The following NEDD9 variants were observed in gnomAD, a reference collection of about 807,000 sequenced individuals.
NEDD9 encodes the protein enhancer of filamentation 1.
In NEDD9, 26 loss-of-function variants were observed where a neutral mutation model predicts 76.6. That is an observed-to-expected ratio of 0.34 (90% CI 0.25 to 0.47). The LOEUF (loss-of-function observed/expected upper bound fraction) is 0.47. Ranked by LOEUF, NEDD9 falls within the 20% of genes least tolerant of loss-of-function variation. The pLI, the probability that NEDD9 is intolerant of heterozygous loss-of-function variation, is 1.00. For missense variants in NEDD9, 937 were observed against 1,058.5 expected, an observed-to-expected ratio of 0.89 and a Z score of 1.59; for synonymous variants, 392 against 414.2, an observed-to-expected ratio of 0.95 and a Z score of 0.65.
At chr6:11,265,538 C>T (rs1223517863) in intron 3 of NEDD9, among the ~76,000 whole-genome samples, 1 of 152,172 alleles carries the variant, frequency 6.6e-6, no homozygotes, top group East Asian at 1.9e-4. Flanking sequence ...AATGTATTGT[C>T]CTTATGACTA....
chr6:11,188,447 AC>A lies in NEDD9; in HGVS notation c.1906-141del, dbSNP rs1758031454. On this transcript the variant is annotated intron_variant, in intron 5 of 6. Coordinates refer to ENST00000379446, the MANE Select transcript of NEDD9 (RefSeq NM_006403.4). Reference sequence around the variant, plus strand: ...TCAAATGCCCAGTGAGGCACTGTGAACCCTAGACGACAGGGGTGGCAGAAAA... The same window carrying A: ...TCAAATGCCCAGTGAGGCACTGTGAACCTAGACGACAGGGGTGGCAGAAAA... 4 of 735,324 alleles carry A rather than the reference AC, an allele frequency of 5.4e-6. No individual in the cohort carries two copies. In the East Asian group the frequency reaches 1.1e-4, roughly 20 times the overall value. 45.5% of individuals were successfully genotyped at this position (735,324 alleles called of 1,614,324 possible). A position where few individuals can be genotyped will look rare whatever the true frequency, so the allele number is the denominator to read the frequency against.
At chr6:11,356,881 G>C (rs947203013) in intron 1 of NEDD9, among the ~76,000 whole-genome samples, 6 of 152,160 alleles carry the variant, frequency 3.9e-5, no homozygotes, top group Non-Finnish European at 8.8e-5. Context: ...TGTAAGAAAA[G>C]TTTCTGCTGG....
At chr6:11,308,359 A>ATTTTTT (rs1761253123) in intron 2 of NEDD9, among the ~76,000 whole-genome samples, 1 of 131,120 alleles carries the variant, frequency 7.6e-6, no homozygotes, top group Non-Finnish European at 1.6e-5. Flanking sequence ...AGGATGGGAC[A>ATTTTTT]TCTTTTTTTT....
At chr6:11,372,075 T>A (rs976849647) in intron 1 of NEDD9, among the ~76,000 whole-genome samples, 2 of 152,198 alleles carry the variant, frequency 1.3e-5, no homozygotes, top group Non-Finnish European at 2.9e-5. Flanking sequence ...TACTAGGTCT[T>A]ACTCATTCTT....
intron 2 of NEDD9, among the ~76,000 whole-genome samples, chr6:11,332,637 C>A (rs948046571): frequency 6.6e-6 from 1 of 152,202 alleles, no homozygotes; most frequent in East Asian, 1.9e-4. Context: ...TTACAGCACA[C>A]GTCGTGTTCT....
chr6:11,190,520 G>A lies in NEDD9; in HGVS notation c.1349C>T (p.Thr450Ile). The A allele has an allele frequency of 1.2e-6, 2 of 1,614,186 alleles. No homozygotes were observed. Among genetic ancestry groups the A allele is most frequent in the Non-Finnish European group, 1.7e-6 (2 of 1,180,030 alleles). ...YMERHINEIR[T>I]AVDKVELFLK... ...GAACAGCTCCACCTTGTCCACTGCT[G>A]TGCGTATTTCATTGATGTGTCTTTC... Residue 450 changes from threonine (T) to isoleucine (I), a missense_variant, in exon 5 of 7, where the codon ACA (threonine) becomes ATA (isoleucine). Thr to Ile is a moderately conservative substitution (Grantham distance 89). Transcript: ENST00000379446. This position sits in a 1 kb window ranked among gnomAD's most constrained non-coding sequence, Gnocchi z 5.8.
At chr6:11,203,478 A>C (rs941501652) in intron 2 of NEDD9, among the ~76,000 whole-genome samples, 1 of 152,184 alleles carries the variant, frequency 6.6e-6, no homozygotes, top group Non-Finnish European at 1.5e-5. Flanking sequence ...CTTCCTAAAG[A>C]GGAGAACGCT....
At chr6:11,261,553 G>A (rs770403009) in intron 3 of NEDD9, among the ~76,000 whole-genome samples, 13 of 152,156 alleles carry the variant, frequency 8.5e-5, no homozygotes, top group South Asian at 2.1e-4. Flanking sequence ...TTAGAAACAC[G>A]AAGATAAATA....
chr6:11,190,477 G>A lies in NEDD9; in HGVS notation c.1392C>T (p.His464=). The A allele has an allele frequency of 3.7e-6, 6 of 1,614,204 alleles. No homozygotes were observed. Among genetic ancestry groups the A allele is most frequent in the Non-Finnish European group, 5.1e-6 (6 of 1,180,034 alleles). Residue 464 remains histidine (H), a synonymous_variant, in exon 5 of 7, where the codon CAC becomes CAT. Coordinates refer to ENST00000379446, the MANE Select transcript of NEDD9 (RefSeq NM_006403.4). The surrounding 1 kb of genome is among the most constrained non-coding windows in gnomAD (Gnocchi z 5.8). ...KVELFLKEYL[H]FVKGAVANAA... is the part of the protein sequence containing the mutation. ...CATTTGCAACAGCTCCCTTGACAAAGTGGAGGTACTCCTTCAGGAACAGCT... is the reference window on the plus strand; with the variant it reads ...CATTTGCAACAGCTCCCTTGACAAAATGGAGGTACTCCTTCAGGAACAGCT...
chr6:11,191,587 A>AT (rs2113720118), intron 4 of NEDD9, among the ~76,000 whole-genome samples: 1 of 152,298 alleles, frequency 6.6e-6, no homozygotes, highest in South Asian at 2.1e-4. Context: ...AATGAGCTGC[A>AT]TAGGCGTCTG....
intron 3 of NEDD9, among the ~76,000 whole-genome samples, chr6:11,246,399 C>T (rs1381218037): frequency 5.3e-5 from 8 of 152,056 alleles, no homozygotes; most frequent in African/African-American, 1.7e-4. Context: ...GCAGATGGAT[C>T]CCAGGGCCCA....
At chr6:11,257,394 T>C (rs962036613) in intron 3 of NEDD9, among the ~76,000 whole-genome samples, 1 of 152,094 alleles carries the variant, frequency 6.6e-6, no homozygotes, top group Non-Finnish European at 1.5e-5. Flanking sequence ...TCCTCATTGA[T>C]CTAATGGGAA....
At position 11,191,105 on chromosome 6, in the gene NEDD9, A is replaced by C; in HGVS notation, c.764T>G (p.Leu255Arg). Residue 255 changes from leucine to arginine, a missense_variant, in exon 5 of 7, where the codon CTC becomes CGC. By Grantham distance (102) the Leu-to-Arg change is moderately radical (BLOSUM62 -2). Transcript: ENST00000379446. ...PPMRQAGRPD[L>R]RPEGVYDIPP... The stretch of plus-strand genomic sequence containing the variant: ...AATGTCATAAACCCCCTCCGGTCTG[A>C]GGTCCGGCCTTCCAGCTTGTCTCAT... The C allele has an allele frequency of 1.9e-6, 3 of 1,613,902 alleles. No homozygotes were observed. The highest frequency in any genetic ancestry group is 2.5e-6 in the Non-Finnish European group (3 of 1,179,990).
intron 1 of NEDD9, among the ~76,000 whole-genome samples, chr6:11,229,227 G>T (rs1480237776): frequency 1.3e-5 from 2 of 152,124 alleles, no homozygotes; most frequent in African/African-American, 4.8e-5. Flanking sequence ...CAGTCAAAAC[G>T]TTAAAGAATG....
chr6:11,258,428 CAAG>C (rs1387424084), intron 3 of NEDD9: 1 of 152,136 alleles, frequency 6.6e-6, no homozygotes, highest in Non-Finnish European at 1.5e-5. Context: ...TGTTTGGTAT[CAAG>C]AATTTTAAAG....
chr6:11,277,565 C>G (rs936483431), intron 3 of NEDD9, among the ~76,000 whole-genome samples: 1 of 152,158 alleles, frequency 6.6e-6, no homozygotes, highest in African/African-American at 2.4e-5. Context: ...AGAAAAGGCT[C>G]AGAGAGCAGC....
intron 1 of NEDD9, among the ~76,000 whole-genome samples, chr6:11,361,406 G>A (rs993539984): frequency 2.0e-5 from 3 of 152,180 alleles, no homozygotes; most frequent in Admixed American, 2.0e-4. Flanking sequence ...GGAAGGTAGA[G>A]TAGGAGCAGG....
intron 1 of NEDD9, among the ~76,000 whole-genome samples, chr6:11,218,514 T>C (rs1759042767): frequency 6.6e-6 from 1 of 152,144 alleles, no homozygotes; most frequent in African/African-American, 2.4e-5. Flanking sequence ...CAGTACAACT[T>C]GGATTGCCCT....
intron 3 of NEDD9, among the ~76,000 whole-genome samples, chr6:11,298,158 T>C (rs1760948118): frequency 6.6e-6 from 1 of 152,154 alleles, no homozygotes; most frequent in Non-Finnish European, 1.5e-5. Context: ...TCTGCCCGCC[T>C]TGACCTCCCA....
Sources: allele counts gnomAD v4.1 joint callset (sites outside exome capture counted in the v4.1 genomes callset), GRCh38; gene constraint gnomAD v4.1.1; non-coding constraint Gnocchi (gnomAD v3.1); transcripts MANE v1.5; gene names NCBI Gene and HGNC (gene_info 2026-07-23, HGNC 2026-07-21).